The following TRAP1 variants were observed in gnomAD, a reference collection of about 807,000 sequenced individuals.
TRAP1 encodes the protein heat shock protein 75 kDa, mitochondrial.
A neutral mutation model predicts 89.1 loss-of-function variants in TRAP1; 102 were observed. The observed-to-expected ratio is 1.15, with a 90% CI of 0.98 to 1.35. The LOEUF (loss-of-function observed/expected upper bound fraction) is 1.35. Ranked by LOEUF, TRAP1 falls within the 40% of genes most tolerant of loss-of-function variation. TRAP1 has a pLI of 0.00. For missense variants in TRAP1, 1,256 were observed against 945.3 expected (o/e 1.33, Z -4.31); for synonymous variants, 508 against 388.0 (o/e 1.31, Z -3.64).
At chr16:3,716,091 G>C (rs949092533) in intron 1 of TRAP1, among the ~76,000 whole-genome samples, 1 of 152,160 alleles carries the variant, frequency 6.6e-6, no homozygotes, top group African/African-American at 2.4e-5. Context: ...TTGAACTCCT[G>C]ATCTGCCCAC....
At chr16:3,707,993 G>A (rs1182067696) in intron 1 of TRAP1, among the ~76,000 whole-genome samples, 3 of 152,034 alleles carry the variant, frequency 2.0e-5, no homozygotes, top group Admixed American at 6.6e-5. Context: ...AAGACAAGCC[G>A]GGGCAATATA....
At chr16:3,666,311 G>A (rs1212909178) in intron 11 of TRAP1, among the ~76,000 whole-genome samples, 193 bp from the exon 12 acceptor site, 1 of 152,146 alleles carries the variant, frequency 6.6e-6, no homozygotes, top group African/African-American at 2.4e-5. Flanking sequence ...GGAGGCAGCA[G>A]GGTGGAGGGC....
Position 3,658,090 on chromosome 16 carries a change from C to T in TRAP1, c.*39G>A, listed in dbSNP as rs768243585. On this transcript the variant is annotated 3_prime_UTR_variant, in exon 18 of 18. Coordinates refer to ENST00000246957, the MANE Select transcript of TRAP1 (RefSeq NM_016292.3). ...GTAAATAAAGCTCAAGGAGGTGGGGCTGTCATCTGTGGTGTCAGTCCTTCT... is the reference window on the plus strand; with the variant it reads ...GTAAATAAAGCTCAAGGAGGTGGGGTTGTCATCTGTGGTGTCAGTCCTTCT... The T allele has an allele frequency of 8.7e-6, 14 of 1,610,408 alleles. No homozygotes were observed. The Admixed American group carries it at 1.3e-4, about 15-fold the overall frequency.
At chr16:3,672,300 G>A (rs2050924594) in intron 10 of TRAP1, among the ~76,000 whole-genome samples, 1 of 152,154 alleles carries the variant, frequency 6.6e-6, no homozygotes, top group Non-Finnish European at 1.5e-5. Context: ...ACTCCAGCCT[G>A]GGTGACAGAG....
intron 11 of TRAP1, among the ~76,000 whole-genome samples, chr16:3,667,776 TC>T (rs1202541491): frequency 7.8e-3 from 1 of 128 alleles, no homozygotes; most frequent in Non-Finnish European, 0.022. Context: ...TTTTTTTCCA[TC>T]CGACGAATCT....
chr16:3,683,040 T>C (rs1187742106), intron 4 of TRAP1, among the ~76,000 whole-genome samples: 1 of 151,920 alleles, frequency 6.6e-6, no homozygotes, highest in African/African-American at 2.4e-5. Flanking sequence ...TGGTGGCACA[T>C]ACCTGTAATC....
intron 11 of TRAP1, among the ~76,000 whole-genome samples, chr16:3,670,807 A>G (rs180963011): frequency 1.3e-5 from 2 of 152,152 alleles, no homozygotes; most frequent in Middle Eastern, 6.3e-3. Flanking sequence ...CCGGCAGGCC[A>G]TGTGACCTCG....
At chr16:3,716,805 G>T (rs1424841662) in intron 1 of TRAP1, among the ~76,000 whole-genome samples, 1 of 152,116 alleles carries the variant, frequency 6.6e-6, no homozygotes, top group Non-Finnish European at 1.5e-5. Context: ...ATCAATTCCA[G>T]GCCCCGAGGA....
intron 4 of TRAP1, 125 bp downstream of exon 4, chr16:3,685,871 G>C (rs1282655187): frequency 8.1e-7 from 1 of 1,238,448 alleles, no homozygotes; most frequent in African/African-American, 1.5e-5. Flanking sequence ...CTAAATTATA[G>C]CCAGAGTTAT....
At chr16:3,677,926 A>G in intron 5 of TRAP1, 1 of 423,030 alleles carries the variant, frequency 2.4e-6, no homozygotes, top group South Asian at 2.8e-5. Context: ...AGACAGGTGG[A>G]GGCCTGTGGG....
At chr16:3,670,403 A>G (rs1401120324) in intron 11 of TRAP1, among the ~76,000 whole-genome samples, 1 of 146,974 alleles carries the variant, frequency 6.8e-6, no homozygotes, top group East Asian at 1.9e-4. Flanking sequence ...AAAAAAAAAA[A>G]AAAAAAAATC....
intron 8 of TRAP1, 88 bp from the exon 9 acceptor site, chr16:3,674,582 G>A (rs765011890): frequency 6.7e-7 from 1 of 1,503,562 alleles, no homozygotes; most frequent in Non-Finnish European, 9.0e-7. Flanking sequence ...TGCAGCGCCT[G>A]GCCCTGGACA....
At chr16:3,710,879 A>ATATATTTTT (rs71133652) in intron 1 of TRAP1, among the ~76,000 whole-genome samples, 81 of 125,788 alleles carry the variant, frequency 6.4e-4, no homozygotes, top group African/African-American at 2.3e-3. Context: ...ATATATATAT[A>ATATATTTTT]TTTTTTTTTT....
At chr16:3,681,758 C>G (rs2051076190) in intron 4 of TRAP1, among the ~76,000 whole-genome samples, 1 of 152,072 alleles carries the variant, frequency 6.6e-6, no homozygotes, top group African/African-American at 2.4e-5. Context: ...AAAAATGCAA[C>G]TAATAGCTCC....
chr16:3,683,964 G>C (rs2051105941), intron 4 of TRAP1, among the ~76,000 whole-genome samples: 2 of 151,804 alleles, frequency 1.3e-5, no homozygotes, highest in South Asian at 2.1e-4. Flanking sequence ...TCAGGAGTTT[G>C]AGACCAGCCT....
At chr16:3,691,235 T>C in intron 1 of TRAP1, 1 of 303,994 alleles carries the variant, frequency 3.3e-6, no homozygotes, top group Non-Finnish European at 6.0e-6. Flanking sequence ...CTGGAGGGGG[T>C]GGGCTGCTGC....
intron 11 of TRAP1, 59 bp from the exon 12 acceptor site, chr16:3,666,177 A>T: frequency 6.4e-7 from 1 of 1,554,374 alleles, no homozygotes; most frequent in East Asian, 2.3e-5. Flanking sequence ...ACAAATGGCC[A>T]GAGGGTACGA....
At chr16:3,693,319 T>C (rs990020620) in intron 1 of TRAP1, among the ~76,000 whole-genome samples, 1 of 151,880 alleles carries the variant, frequency 6.6e-6, no homozygotes, top group African/African-American at 2.4e-5. Context: ...AGTATTCAAA[T>C]TCCAAACCAT....
In TRAP1 at chr16:3,712,773, C is replaced by G. The variant is rs1328291775; in HGVS notation, c.88+4648G>C. Reference sequence around the variant, plus strand: ...GGGATTACAGGCGCCTGCCACCACCCTGGCTAATTTCTTTGTATTTTTAGT... The same window carrying G: ...GGGATTACAGGCGCCTGCCACCACCGTGGCTAATTTCTTTGTATTTTTAGT... On this transcript the variant is annotated intron_variant, in intron 1 of 17. Transcript: ENST00000246957. Among the ~76,000 whole-genome samples the G allele has an allele frequency of 2.0e-5, 3 of 152,182 alleles. No homozygotes were observed. In the East Asian group the frequency reaches 5.8e-4, roughly 29 times the overall value.
Sources: gnomAD v4.1 joint callset for allele counts (sites outside exome capture counted in the v4.1 genomes callset) on GRCh38, gnomAD v4.1.1 for gene constraint, MANE v1.5 for transcripts, NCBI Gene and HGNC (gene_info 2026-07-23, HGNC 2026-07-21) for gene names.